Variants in EYS observed in about 807,000 individuals in gnomAD.
EYS encodes the protein protein eyes shut homolog.
In EYS, 250 loss-of-function variants were observed where a neutral mutation model predicts 282.1. The observed-to-expected ratio is 0.89, with a 90% CI of 0.80 to 0.98. The LOEUF is 0.98. Ranked by LOEUF, EYS falls within the 50% of genes least tolerant of loss-of-function variation. The pLI is 0.00. For missense variants in EYS, 4,016 were observed against 3,709.0 expected (o/e 1.08, Z -2.15); for synonymous variants, 1,355 against 1,282.9 (o/e 1.06, Z -1.20).
At chr6:63,893,510 A>T (rs529858080) in intron 35 of EYS, among the ~76,000 whole-genome samples, 2 of 152,226 alleles carry the variant, frequency 1.3e-5, no homozygotes, top group South Asian at 4.2e-4. Context: ...CTCACTCGTG[A>T]GTGGGAGTTG....
chr6:63,974,999 A>C (rs1766765044), intron 35 of EYS, among the ~76,000 whole-genome samples: 1 of 151,962 alleles, frequency 6.6e-6, no homozygotes, highest in Non-Finnish European at 1.5e-5. Flanking sequence ...TTTATAAGCA[A>C]CTAAAAACCC....
At chr6:65,097,412 T>C (rs1296706111) in intron 12 of EYS, among the ~76,000 whole-genome samples, 1 of 150,868 alleles carries the variant, frequency 6.6e-6, no homozygotes, top group Non-Finnish European at 1.5e-5. Context: ...TAAAATTGTG[T>C]AGTCACTATG....
In EYS at chr6:63,805,965, AACTG is replaced by A. The variant is rs1459080892; in HGVS notation, c.7411+221_7411+224del. ...TGGCAGTTCTTTACAGCAGCATGAA[AACTG>A]ACTAATACAGTAGCCCTGATGCAAA... On this transcript the variant is annotated intron_variant, in intron 37 of 42. Coordinates refer to ENST00000503581, the MANE Select transcript of EYS (RefSeq NM_001142800.2). Among the ~76,000 whole-genome samples, 4 of 152,200 alleles carry A rather than the reference AACTG, an allele frequency of 2.6e-5. No homozygotes were observed. In the South Asian group the frequency reaches 6.2e-4, roughly 24 times the overall value.
intron 32 of EYS, among the ~76,000 whole-genome samples, chr6:64,069,537 A>G (rs1454102475): frequency 2.6e-5 from 4 of 152,022 alleles, no homozygotes; most frequent in African/African-American, 9.7e-5. Context: ...AGAAAAATGG[A>G]CAAATAAAAG....
chr6:64,710,307 T>C (rs556059827), intron 22 of EYS, among the ~76,000 whole-genome samples: 140 of 152,360 alleles, frequency 9.2e-4, no homozygotes, highest in African/African-American at 3.0e-3. Context: ...AGTAACCCTG[T>C]ATCCACTCTT....
chr6:64,192,411 C>A (rs551911201), intron 31 of EYS, among the ~76,000 whole-genome samples: 92 of 152,192 alleles, frequency 6.0e-4, no homozygotes, highest in African/African-American at 2.2e-3. Context: ...GCCTGCATCA[C>A]GCTACCTGAC....
In EYS at chr6:64,497,622, C is replaced by T. The variant is rs1352348773; in HGVS notation, c.5645-58270G>A. Reference sequence around the variant, plus strand: ...AAAGTGTAGGTAGAGGGGTGATATACTAAACTGATGTGTATGTAAAATCTC... The same window carrying T: ...AAAGTGTAGGTAGAGGGGTGATATATTAAACTGATGTGTATGTAAAATCTC... On this transcript the variant is annotated intron_variant, in intron 26 of 42. Coordinates refer to ENST00000503581, the MANE Select transcript of EYS (RefSeq NM_001142800.2). 2.6e-5 allele frequency among the ~76,000 whole-genome samples: 4 copies of T among 151,884 alleles called. No homozygotes were observed. In the East Asian group the frequency reaches 5.8e-4, roughly 22 times the overall value.
rs922398877 is a variant in EYS at position 63,958,338 on chromosome 6, G to A, written c.7055+26045C>T. Among the ~76,000 whole-genome samples, 10 of 129,822 alleles carry A rather than the reference G, an allele frequency of 7.7e-5. 1 individual carries two copies. Among genetic ancestry groups the A allele is most frequent in the African/African-American group, 2.0e-4 (8 of 40,020 alleles). 85.2% of individuals were successfully genotyped at this position (129,822 alleles called of 152,430 possible). ...AATACAGATTATGAAATAAACTATA[G>A]AGGAAGAAAATCTGGCAATGGAAGA... On this transcript the variant is annotated intron_variant, in intron 35 of 42. Transcript: ENST00000503581.
chr6:63,920,915 C>T (rs991267977), intron 35 of EYS, among the ~76,000 whole-genome samples: 1 of 150,876 alleles, frequency 6.6e-6, no homozygotes, highest in Admixed American at 6.6e-5. Context: ...TTTTTGGAGA[C>T]AGAGTCTCAC....
intron 28 of EYS, among the ~76,000 whole-genome samples, chr6:64,434,643 G>T (rs1292344410): frequency 1.3e-5 from 2 of 151,910 alleles, no homozygotes; most frequent in Non-Finnish European, 2.9e-5. Context: ...TGGAGTGAAA[G>T]CAGCCTTGAG....
At chr6:64,128,075 A>G (rs561081535) in intron 31 of EYS, among the ~76,000 whole-genome samples, 1 of 152,252 alleles carries the variant, frequency 6.6e-6, no homozygotes, top group South Asian at 2.1e-4. Flanking sequence ...GTCAAAGGCT[A>G]TTGAACTTGG....
intron 26 of EYS, among the ~76,000 whole-genome samples, chr6:64,469,723 G>A (rs1395243467): frequency 6.6e-6 from 1 of 151,922 alleles, no homozygotes; most frequent in Non-Finnish European, 1.5e-5. Flanking sequence ...TTCCCTGGGG[G>A]AGTTTAGAGA....
intron 7 of EYS, among the ~76,000 whole-genome samples, chr6:65,397,065 A>T (rs1479304135): frequency 6.6e-6 from 1 of 151,670 alleles, no homozygotes; most frequent in African/African-American, 2.4e-5. Flanking sequence ...TAATCCATTA[A>T]CTCCCTCAAA....
intron 31 of EYS, among the ~76,000 whole-genome samples, chr6:64,121,463 G>A (rs765530657): frequency 5.3e-5 from 8 of 152,262 alleles, no homozygotes; most frequent in South Asian, 2.1e-4. Context: ...AATATGTGGC[G>A]GAGCTAACAG....
At chr6:63,989,848 A>G (rs1228825357) in intron 34 of EYS, among the ~76,000 whole-genome samples, 1 of 151,344 alleles carries the variant, frequency 6.6e-6, no homozygotes, top group Non-Finnish European at 1.5e-5. Context: ...TTATATATAT[A>G]TATGGCATAT....
At chr6:64,317,374 T>C (rs1019742341) in intron 29 of EYS, among the ~76,000 whole-genome samples, 5 of 149,750 alleles carry the variant, frequency 3.3e-5, no homozygotes, top group African/African-American at 1.2e-4. Context: ...GCACAGGATA[T>C]GAACAGACAA....
intron 5 of EYS, among the ~76,000 whole-genome samples, chr6:65,453,016 G>A (rs1370285417): frequency 6.6e-6 from 1 of 151,920 alleles, no homozygotes; most frequent in Non-Finnish European, 1.5e-5. Flanking sequence ...AAAGCACAGG[G>A]AAGCATTTAT....
At chr6:64,726,177 CT>C (rs1771748662) in intron 22 of EYS, among the ~76,000 whole-genome samples, 1 of 151,950 alleles carries the variant, frequency 6.6e-6, no homozygotes, top group African/African-American at 2.4e-5. Context: ...AAATCTCACT[CT>C]TCTTTTATGA....
At chr6:64,450,380 G>C (rs190056910) in intron 26 of EYS, among the ~76,000 whole-genome samples, 1,575 of 152,196 alleles carry the variant, frequency 0.01, 30 homozygotes, top group African/African-American at 0.036. Context: ...TACCTACAAA[G>C]AGACTTAGAC....
Sources: allele counts gnomAD v4.1 joint callset (sites outside exome capture counted in the v4.1 genomes callset), GRCh38; gene constraint gnomAD v4.1.1; transcripts MANE v1.5; gene names NCBI Gene and HGNC (gene_info 2026-07-23, HGNC 2026-07-21).